HTR3B: variants seen among roughly 807,000 people sequenced by gnomAD.
The protein encoded by HTR3B is 5-hydroxytryptamine receptor 3B.
In HTR3B, 44 loss-of-function variants were observed where a neutral mutation model predicts 42.8. The ratio of observed to expected loss-of-function variants is 1.03; its 90% CI spans 0.81 to 1.32. The LOEUF (loss-of-function observed/expected upper bound fraction) is 1.32. Among genes scored for constraint, HTR3B ranks in the 40% most tolerant of loss-of-function variants. The pLI is 0.00. For synonymous variants in HTR3B, 203 were observed against 209.0 expected (o/e 0.97, Z 0.25); for missense variants, 527 against 536.5 (o/e 0.98, Z 0.17).
intron 6 of HTR3B, among the ~76,000 whole-genome samples, chr11:113,938,135 T>C (rs566534633): frequency 2.0e-5 from 3 of 152,318 alleles, no homozygotes; most frequent in African/African-American, 7.2e-5. Flanking sequence ...TACTCCAGTA[T>C]GACCTCATCC....
intron 2 of HTR3B, among the ~76,000 whole-genome samples, chr11:113,911,178 A>G (rs887450161): frequency 4.6e-5 from 7 of 152,076 alleles, no homozygotes; most frequent in African/African-American, 1.7e-4. Context: ...ATACACAGAT[A>G]TTAAGTGTAC....
At chr11:113,936,211 A>G (rs1342139465) in intron 6 of HTR3B, among the ~76,000 whole-genome samples, 1 of 151,720 alleles carries the variant, frequency 6.6e-6, no homozygotes, top group Non-Finnish European at 1.5e-5. Flanking sequence ...TTTTTTCTTT[A>G]AAGAATGAGG....
At chr11:113,930,449 T>C (rs551094962) in intron 2 of HTR3B, among the ~76,000 whole-genome samples, 1 of 151,026 alleles carries the variant, frequency 6.6e-6, no homozygotes, top group African/African-American at 2.4e-5. Context: ...AGATTAGATA[T>C]GAAAAAAATT....
At chr11:113,925,704 A>T (rs1457698524) in intron 2 of HTR3B, among the ~76,000 whole-genome samples, 2 of 151,966 alleles carry the variant, frequency 1.3e-5, no homozygotes, top group African/African-American at 4.8e-5. Flanking sequence ...TCTTTTAAGG[A>T]TGCAGTTTTT....
chr11:113,916,838 A>G (rs1482347140), intron 2 of HTR3B, among the ~76,000 whole-genome samples: 2 of 152,170 alleles, frequency 1.3e-5, no homozygotes, highest in African/African-American at 2.4e-5. Context: ...GTCTGTTGCT[A>G]GCATACAAAA....
chr11:113,916,942 T>A (rs940454478), intron 2 of HTR3B, among the ~76,000 whole-genome samples: 1 of 152,158 alleles, frequency 6.6e-6, no homozygotes, highest in Non-Finnish European at 1.5e-5. Flanking sequence ...CTTTCAGATT[T>A]TCTGTGTAGA....
intron 2 of HTR3B, among the ~76,000 whole-genome samples, chr11:113,922,856 G>A (rs1006775879): frequency 6.6e-6 from 1 of 152,322 alleles, no homozygotes; most frequent in East Asian, 1.9e-4. Context: ...CGCCCGGCAA[G>A]TCTGTGTATT....
chr11:113,937,208 C>T (rs76878213), intron 6 of HTR3B, among the ~76,000 whole-genome samples: 1,631 of 152,272 alleles, frequency 0.011, 17 homozygotes, highest in African/African-American at 0.037. Context: ...TTCTACTCAG[C>T]AGAAGCAGGA....
chr11:113,904,731 C>T, upstream of HTR3B: 1 of 520,138 alleles, frequency 1.9e-6, no homozygotes, highest in Non-Finnish European at 3.5e-6. Flanking sequence ...TTCATGACGG[C>T]ATCAATTCCA....
In HTR3B at chr11:113,947,191, C is replaced by T. The variant is rs1950187327; in HGVS notation, c.*1054C>T. Among the ~76,000 whole-genome samples the T allele has an allele frequency of 6.6e-6, 1 of 151,902 alleles. No individual in the cohort carries two copies. Among genetic ancestry groups the T allele is most frequent in the Non-Finnish European group, 1.5e-5 (1 of 67,986 alleles). On this transcript the variant is annotated 3_prime_UTR_variant, in exon 9 of 9. Coordinates refer to ENST00000260191, the MANE Select transcript of HTR3B (RefSeq NM_006028.5). Reference sequence around the variant, plus strand: ...CAATCTTGGCTCACTGTAACCTCCACCTCCCGGGTTCAAGCAATTCCCCTG... The same window carrying T: ...CAATCTTGGCTCACTGTAACCTCCATCTCCCGGGTTCAAGCAATTCCCCTG...
At chr11:113,924,290 A>G (rs1949946076) in intron 2 of HTR3B, among the ~76,000 whole-genome samples, 1 of 152,114 alleles carries the variant, frequency 6.6e-6, no homozygotes, top group Non-Finnish European at 1.5e-5. Flanking sequence ...TGGGTGAGAC[A>G]TAATCTATTT....
At position 113,942,991 on chromosome 11, in the gene HTR3B, C is replaced by A; in HGVS notation, c.706C>A (p.Arg236Ser). The change falls in exon 7 of 9, where the codon CGC becomes AGC. Residue 236 changes from arginine (R) to serine (S), a missense_variant. Arg to Ser is a moderately radical substitution (Grantham distance 110, BLOSUM62 -1). Transcript: ENST00000260191. ...ACTTGTTCCCGGCCAGGTGGTGATG[C>A]GCAGGCACCCCCTGGTCTATGTCGT... ...FAQIQFNVVM[R>S]RHPLVYVVSL... 2 of 1,613,868 alleles carry A rather than the reference C, an allele frequency of 1.2e-6. No individual in the cohort carries two copies. The highest frequency in any genetic ancestry group is 1.7e-6 in the Non-Finnish European group (2 of 1,179,816).
In HTR3B at chr11:113,944,745, T is replaced by C; in HGVS notation, c.1080T>C (p.Ala360=). Residue 360 remains alanine (A), a synonymous_variant, in exon 8 of 9, where the codon GCT becomes GCC. Transcript: ENST00000260191. Reference sequence around the variant, plus strand: ...GAGTGGAACCCAGGGCCCAACGTGCTGTGGTAACAGGTGTGTGAGAAGCCT... The same window carrying C: ...GAGTGGAACCCAGGGCCCAACGTGCCGTGGTAACAGGTGTGTGAGAAGCCT... ...RPRVEPRAQR[A]VVTESSLYGE... 1.9e-6 allele frequency: 3 copies of C among 1,614,068 alleles called. No homozygotes were observed. The highest frequency in any genetic ancestry group is 2.5e-6 in the Non-Finnish European group (3 of 1,179,942).
At chr11:113,919,160 AT>A (rs1239794055) in intron 2 of HTR3B, among the ~76,000 whole-genome samples, 4 of 151,802 alleles carry the variant, frequency 2.6e-5, no homozygotes, top group African/African-American at 4.8e-5. Context: ...CCATCTTTGT[AT>A]TTTTTTTAGA....
At position 113,924,042 on chromosome 11, in the gene HTR3B, A is replaced by G. The variant is rs547820124; in HGVS notation, c.214-7342A>G. 1.6e-4 allele frequency among the ~76,000 whole-genome samples: 24 copies of G among 152,344 alleles called. No individual in the cohort carries two copies. In the Middle Eastern group the frequency reaches 0.014, roughly 86 times the overall value. Reference sequence around the variant, plus strand: ...AATGATAGTGAAATGAAACATGAAAACAGAGACCTTCCTCCCAGCCATATG... The same window carrying G: ...AATGATAGTGAAATGAAACATGAAAGCAGAGACCTTCCTCCCAGCCATATG... On this transcript the variant is annotated intron_variant, in intron 2 of 8. Coordinates refer to ENST00000260191, the MANE Select transcript of HTR3B (RefSeq NM_006028.5).
chr11:113,902,992 C>T (rs957767558), upstream of HTR3B, among the ~76,000 whole-genome samples: 1 of 152,144 alleles, frequency 6.6e-6, no homozygotes, highest in African/African-American at 2.4e-5. Context: ...CCTCAGCCTC[C>T]CAAGTAGCTG....
chr11:113,926,380 C>A (rs529287659), intron 2 of HTR3B, among the ~76,000 whole-genome samples: 3 of 152,068 alleles, frequency 2.0e-5, no homozygotes, highest in African/African-American at 7.2e-5. Flanking sequence ...TGGTTATATA[C>A]TTCTGAGTAG....
chr11:113,939,481 C>G (rs901740384), intron 6 of HTR3B, among the ~76,000 whole-genome samples: 7 of 152,220 alleles, frequency 4.6e-5, no homozygotes, highest in Non-Finnish European at 8.8e-5. Context: ...TTCATATCCA[C>G]AAAGCCTGCC....
rs533045867 is a variant in HTR3B at position 113,944,182 on chromosome 11, G to T, written c.908-391G>T. ...CTACAGGCGCCCGCCACCATGCCTGGCTAATTTTTTGTATTTTAGTATAGA... is the reference window on the plus strand; with the variant it reads ...CTACAGGCGCCCGCCACCATGCCTGTCTAATTTTTTGTATTTTAGTATAGA... On this transcript the variant is annotated intron_variant, in intron 7 of 8. Transcript: ENST00000260191. 2.0e-5 allele frequency among the ~76,000 whole-genome samples: 3 copies of T among 152,092 alleles called. No homozygotes were observed. In the South Asian group the frequency reaches 6.2e-4, roughly 32 times the overall value.
Sources: gnomAD v4.1 joint callset for allele counts (sites outside exome capture counted in the v4.1 genomes callset) on GRCh38, gnomAD v4.1.1 for gene constraint, MANE v1.5 for transcripts, NCBI Gene and HGNC (gene_info 2026-07-23, HGNC 2026-07-21) for gene names.